ACKR3: variants seen among roughly 807,000 people sequenced by gnomAD.
ACKR3 encodes the protein C-X-C chemokine receptor type 7.
ACKR3 carries 6 observed loss-of-function variants against 22.4 expected under a neutral mutation model. The observed-to-expected ratio is 0.27, with a 90% CI of 0.15 to 0.53. ACKR3 has a LOEUF of 0.53. ACKR3 is among the 20% of genes least tolerant of loss of function. ACKR3 has a pLI of 0.96. For synonymous variants in ACKR3, 209 were observed against 205.2 expected (o/e 1.02, Z -0.16); for missense variants, 396 against 475.2 (o/e 0.83, Z 1.55).
At chr2:236,554,229 T>A in the ACKR3 span, among the ~76,000 whole-genome samples, 6 of 152,298 alleles carry the variant, frequency 3.9e-5, no homozygotes, top group South Asian at 1.2e-3. Flanking sequence ...TATACAAATA[T>A]GTATAATGTG....
In ACKR3 at chr2:236,574,507, A is replaced by C. The variant is rs905397984; in HGVS notation, c.-27+4583A>C. On this transcript the variant is annotated intron_variant, in intron 1 of 1. Coordinates refer to ENST00000272928, the MANE Select transcript of ACKR3 (RefSeq NM_020311.3). This position sits in a 1 kb window ranked among gnomAD's most constrained non-coding sequence, Gnocchi z 5.6. ...TGGGAGAATCAGAAGGGCAGAGGGC[A>C]TCAGTTGGGAAGAGTCTGTGGTTGG... Among the ~76,000 whole-genome samples, 1 of 152,144 alleles carries C rather than the reference A, an allele frequency of 6.6e-6. No individual in the cohort carries two copies. The highest frequency in any genetic ancestry group is 1.5e-5 in the Non-Finnish European group (1 of 68,010).
chr2:236,557,858 A>C, the ACKR3 span, among the ~76,000 whole-genome samples: 1 of 152,232 alleles, frequency 6.6e-6, no homozygotes, highest in Non-Finnish European at 1.5e-5. Context: ...TATGATATGC[A>C]TGCCAGAAAC....
chr2:236,561,278 G>A, the ACKR3 span, among the ~76,000 whole-genome samples: 1 of 152,076 alleles, frequency 6.6e-6, no homozygotes, highest in African/African-American at 2.4e-5. Flanking sequence ...CTCCTTTTAA[G>A]TGTTCTTACC....
chr2:236,566,565 G>T (rs1691183354), upstream of ACKR3, among the ~76,000 whole-genome samples: 2 of 152,170 alleles, frequency 1.3e-5, no homozygotes, highest in Non-Finnish European at 2.9e-5. Context: ...CTTATCCTTA[G>T]GACTAGAAGC....
At chr2:236,571,265 C>T (rs895007977) in intron 1 of ACKR3, among the ~76,000 whole-genome samples, 1 of 152,150 alleles carries the variant, frequency 6.6e-6, no homozygotes, top group Non-Finnish European at 1.5e-5. Context: ...TCTTTTTTCC[C>T]CAGTCTCTGC....
At chr2:236,543,217 C>G in the ACKR3 span, among the ~76,000 whole-genome samples, 1 of 152,266 alleles carries the variant, frequency 6.6e-6, no homozygotes, top group Non-Finnish European at 1.5e-5. Flanking sequence ...GAAGGAGACC[C>G]ACTTGCCTCT....
chr2:236,556,089 C>T, the ACKR3 span, among the ~76,000 whole-genome samples: 2 of 152,034 alleles, frequency 1.3e-5, no homozygotes, highest in Non-Finnish European at 2.9e-5. Context: ...GGTGGGGGCT[C>T]CTGTGTGAGG....
the ACKR3 span, among the ~76,000 whole-genome samples, chr2:236,543,427 G>T: frequency 6.6e-6 from 1 of 152,206 alleles, no homozygotes; most frequent in Non-Finnish European, 1.5e-5. Context: ...GCAGGAGGTG[G>T]TGAAGAAAAC....
At chr2:236,544,623 G>A in the ACKR3 span, among the ~76,000 whole-genome samples, 9 of 152,182 alleles carry the variant, frequency 5.9e-5, no homozygotes, top group South Asian at 2.1e-4. The surrounding 1 kb of genome is among the most constrained non-coding windows in gnomAD (Gnocchi z 5.0). Context: ...GAATAGGGAC[G>A]AGCAGATGTT....
In ACKR3 at chr2:236,577,920, T is replaced by G. The variant is rs775195598; in HGVS notation, c.-26-2520T>G. Among the ~76,000 whole-genome samples the G allele has an allele frequency of 6.6e-6, 1 of 152,186 alleles. No individual in the cohort carries two copies. The highest frequency in any genetic ancestry group is 1.5e-5 in the Non-Finnish European group (1 of 68,028). The stretch of plus-strand genomic sequence containing the variant: ...TGCTGTCCCTGCTGCTGCCCAGCTG[T>G]GGGGCGGTCCTCCATTCAAGCTCCT... On this transcript the variant is annotated intron_variant, in intron 1 of 1. Transcript: ENST00000272928. The surrounding 1 kb of genome is among the most constrained non-coding windows in gnomAD (Gnocchi z 5.6).
chr2:236,561,965 T>C, the ACKR3 span, among the ~76,000 whole-genome samples: 1 of 152,254 alleles, frequency 6.6e-6, no homozygotes, highest in African/African-American at 2.4e-5. Flanking sequence ...TTTTATTTCT[T>C]TTCTTCTTCC....
chr2:236,569,599 C>A (rs1691264907), upstream of ACKR3: 1 of 152,152 alleles, frequency 6.6e-6, no homozygotes, highest in African/African-American at 2.4e-5. Context: ...TGTGGCTTCA[C>A]CAGATTTTGC....
chr2:236,553,355 C>A, the ACKR3 span, among the ~76,000 whole-genome samples: 9 of 152,332 alleles, frequency 5.9e-5, 1 homozygote, highest in Admixed American at 3.9e-4. Flanking sequence ...TAAGGAAAAC[C>A]ACAGGTGCCA....
At chr2:236,563,466 C>T (rs1316516486), upstream of ACKR3, among the ~76,000 whole-genome samples, 1 of 152,146 alleles carries the variant, frequency 6.6e-6, no homozygotes, top group East Asian at 1.9e-4. Flanking sequence ...AAGAGAGTAA[C>T]TAGGATGGGA....
the ACKR3 span, among the ~76,000 whole-genome samples, chr2:236,537,716 A>C: frequency 6.6e-6 from 1 of 152,202 alleles, no homozygotes; most frequent in Non-Finnish European, 1.5e-5. Flanking sequence ...ATTACTTATG[A>C]GCCAGAATTA....
chr2:236,542,012 C>T, the ACKR3 span, among the ~76,000 whole-genome samples: 33 of 151,920 alleles, frequency 2.2e-4, 1 homozygote, highest in East Asian at 5.8e-4. Context: ...AGCATGAGAA[C>T]GAACTAAAAC....
In ACKR3 at chr2:236,580,954, C is replaced by G; in HGVS notation, c.489C>G (p.Val163=). The G allele has an allele frequency of 1.2e-6, 2 of 1,614,162 alleles. No individual in the cohort carries two copies. Among genetic ancestry groups the G allele is most frequent in the Non-Finnish European group, 1.7e-6 (2 of 1,180,032 alleles). Residue 163 remains valine (V), a synonymous_variant, in exon 2 of 2, where the codon GTC becomes GTG. Coordinates refer to ENST00000272928, the MANE Select transcript of ACKR3 (RefSeq NM_020311.3). ...PSSRKKMVRR[V]VCILVWLLAF... ...GCAGGAAGAAGATGGTACGCCGTGT[C>G]GTCTGCATCCTGGTGTGGCTGCTGG...
chr2:236,581,114 G>C lies in ACKR3; in HGVS notation c.649G>C (p.Val217Leu). 1 of 1,614,184 alleles carries C rather than the reference G, an allele frequency of 6.2e-7. No individual in the cohort carries two copies. Among genetic ancestry groups the C allele is most frequent in the South Asian group, 1.1e-5 (1 of 91,080 alleles). Residue 217 changes from valine to leucine, a missense_variant, in exon 2 of 2, where the codon GTT becomes CTT. Val to Leu is a conservative substitution (Grantham distance 32). Coordinates refer to ENST00000272928, the MANE Select transcript of ACKR3 (RefSeq NM_020311.3). The surrounding 1 kb of genome is among the most constrained non-coding windows in gnomAD (Gnocchi z 4.4). ...EWLIGMELVS[V>L]VLGFAVPFSI... The stretch of plus-strand genomic sequence containing the variant: ...GCTGATCGGCATGGAGCTGGTCTCC[G>C]TTGTCTTGGGCTTTGCCGTTCCCTT...
the ACKR3 span, among the ~76,000 whole-genome samples, chr2:236,543,994 CACTT>C: frequency 8.9e-5 from 2 of 22,518 alleles, no homozygotes; most frequent in African/African-American, 3.5e-4. Context: ...TATATATATA[CACTT>C]TTTTTTTTTT....
Sources: allele counts gnomAD v4.1 joint callset (sites outside exome capture counted in the v4.1 genomes callset), GRCh38; gene constraint gnomAD v4.1.1; non-coding constraint Gnocchi (gnomAD v3.1); transcripts MANE v1.5; gene names NCBI Gene and HGNC (gene_info 2026-07-23, HGNC 2026-07-21).